Variants in WSCD1 observed in about 807,000 individuals in gnomAD.
The protein encoded by WSCD1 is sialate:O-sulfotransferase 1.
WSCD1 carries 41 observed loss-of-function variants against 60.4 expected under a neutral mutation model. The ratio of observed to expected loss-of-function variants is 0.68; its 90% CI spans 0.53 to 0.88. WSCD1 has a LOEUF of 0.88. Ranked by LOEUF, WSCD1 falls within the 40% of genes least tolerant of loss-of-function variation. The pLI, the probability that WSCD1 is intolerant of heterozygous loss-of-function variation, is 0.00. For missense variants in WSCD1, 784 were observed against 796.2 expected, an observed-to-expected ratio of 0.98 and a Z score of 0.18; for synonymous variants, 361 against 332.5, an observed-to-expected ratio of 1.09 and a Z score of -0.93.
At chr17:6,111,647 G>T (rs1208925457) in intron 7 of WSCD1, among the ~76,000 whole-genome samples, 1 of 146,146 alleles carries the variant, frequency 6.8e-6, no homozygotes, top group African/African-American at 2.5e-5. Context: ...GTTGCAGTGA[G>T]TCGAGATTAT....
At chr17:6,103,110 C>T (rs1478721027) in intron 5 of WSCD1, among the ~76,000 whole-genome samples, 2 of 152,158 alleles carry the variant, frequency 1.3e-5, no homozygotes, top group Non-Finnish European at 2.9e-5. Flanking sequence ...GTGATCCTGG[C>T]CAGGTCACAT....
chr17:6,105,828 C>G (rs1002184288), intron 5 of WSCD1, among the ~76,000 whole-genome samples: 1 of 152,074 alleles, frequency 6.6e-6, no homozygotes, highest in Non-Finnish European at 1.5e-5. Flanking sequence ...TTTTTTTCCT[C>G]GGAACAGGAA....
At chr17:6,092,954 G>A (rs1910155374) in intron 4 of WSCD1, among the ~76,000 whole-genome samples, 1 of 152,224 alleles carries the variant, frequency 6.6e-6, no homozygotes, top group African/African-American at 2.4e-5. Flanking sequence ...GAGGGAATGA[G>A]CTGACAGGAT....
At position 6,080,152 on chromosome 17, in the gene WSCD1, C is replaced by T. The variant is rs1909130732; in HGVS notation, c.-288-219C>T. ...GGGGAGAGCTGTTGTCCCCATTTTA[C>T]AGATGGGGAAGCTGAGGCCCAGCAA... On this transcript the variant is annotated intron_variant, in intron 1 of 8. Coordinates refer to ENST00000317744, the MANE Select transcript of WSCD1 (RefSeq NM_015253.2). The surrounding 1 kb of genome is among the most constrained non-coding windows in gnomAD (Gnocchi z 6.6). The T allele has an allele frequency of 6.2e-6, 1 of 160,146 alleles. No homozygotes were observed. The highest frequency in any genetic ancestry group is 6.5e-5 in the Admixed American group (1 of 15,376). The allele number at this position is 160,146 out of a possible 1,614,324, so 9.9% of individuals were successfully genotyped here.
At chr17:6,069,235 G>C (rs1054196842), upstream of WSCD1, 5 of 398,680 alleles carry the variant, frequency 1.3e-5, no homozygotes, top group Non-Finnish European at 2.2e-5. Flanking sequence ...CGGTGCACAT[G>C]GCAGAGCAGG....
chr17:6,112,569 A>G (rs899630869), intron 7 of WSCD1, among the ~76,000 whole-genome samples: 1 of 152,248 alleles, frequency 6.6e-6, no homozygotes, highest in Non-Finnish European at 1.5e-5. Context: ...AGGCTTCACC[A>G]AGAAACCCTT....
intron 8 of WSCD1, 49 bp from the exon 9 acceptor site, chr17:6,120,260 C>G: frequency 6.3e-7 from 1 of 1,575,246 alleles, no homozygotes. Flanking sequence ...GACCGGCAGC[C>G]CTGGCAGGGC....
chr17:6,100,214 C>T (rs896646200), intron 5 of WSCD1, among the ~76,000 whole-genome samples: 1 of 152,118 alleles, frequency 6.6e-6, no homozygotes, highest in Non-Finnish European at 1.5e-5. Flanking sequence ...GAGGATGAGG[C>T]ATGGATGGGT....
At chr17:6,085,295 G>A (rs1909559130) in intron 2 of WSCD1, among the ~76,000 whole-genome samples, 3 of 152,242 alleles carry the variant, frequency 2.0e-5, no homozygotes, top group Admixed American at 6.5e-5. Flanking sequence ...TAATGATGAA[G>A]AATTTGAGTT....
intron 1 of WSCD1, among the ~76,000 whole-genome samples, chr17:6,078,282 T>G (rs948849387): frequency 6.6e-6 from 1 of 152,226 alleles, no homozygotes; most frequent in African/African-American, 2.4e-5. Flanking sequence ...CTAAGGAGAT[T>G]ACAGACTTTG....
At chr17:6,077,857 A>C (rs898884950) in intron 1 of WSCD1, 7 of 152,156 alleles carry the variant, frequency 4.6e-5, no homozygotes, top group Admixed American at 1.3e-4. Flanking sequence ...TGTGCTCCCT[A>C]GTTTGTAACC....
intron 2 of WSCD1, among the ~76,000 whole-genome samples, chr17:6,083,354 A>C (rs1459630272): frequency 6.6e-6 from 1 of 152,118 alleles, no homozygotes; most frequent in Non-Finnish European, 1.5e-5. Flanking sequence ...TGTGCACCTC[A>C]CTGTGCCCTG....
At chr17:6,117,679 G>A (rs34865229) in intron 7 of WSCD1, among the ~76,000 whole-genome samples, 12,423 of 152,282 alleles carry the variant, frequency 0.082, 717 homozygotes, top group African/African-American at 0.17. Context: ...ACATATGCGT[G>A]CATCTGCAAT....
At chr17:6,073,282 T>G (rs530684798) in intron 1 of WSCD1, among the ~76,000 whole-genome samples, 48 of 152,310 alleles carry the variant, frequency 3.2e-4, no homozygotes, top group Non-Finnish European at 6.2e-4. Context: ...CCTTAAGCTT[T>G]CAGCACCAGG....
At chr17:6,098,184 C>A (rs966687351) in intron 5 of WSCD1, among the ~76,000 whole-genome samples, 7 of 151,702 alleles carry the variant, frequency 4.6e-5, no homozygotes, top group African/African-American at 1.7e-4. Flanking sequence ...GTTGCCCAGA[C>A]TGGTCTTGAA....
At chr17:6,086,288 A>C (rs924124886) in intron 2 of WSCD1, among the ~76,000 whole-genome samples, 2 of 92,764 alleles carry the variant, frequency 2.2e-5, no homozygotes, top group East Asian at 2.6e-4. Context: ...TATGTACTTC[A>C]TGCATTACTG....
At chr17:6,069,603 G>A (rs1035425752), upstream of WSCD1, among the ~76,000 whole-genome samples, 5 of 152,068 alleles carry the variant, frequency 3.3e-5, no homozygotes, top group Non-Finnish European at 7.4e-5. Flanking sequence ...GCCGACCCCC[G>A]AGTGTGTAGA....
rs1237564131 is a variant in WSCD1 at position 6,109,658 on chromosome 17, AC to A, written c.907del (p.Arg303GlyfsTer125). ...RGWECYCAYPTPRFNLRDAMD... is the reference protein window; with the variant it reads ...RGWECYCAYPXPRFNLRDAMD... The stretch of plus-strand genomic sequence containing the variant: ...CTGGGAATGCTACTGTGCTTACCCT[AC>A]CCCCCGGTTCAACCTGCGGGATGCC... On this transcript the variant is annotated frameshift_variant, in exon 6 of 9. Transcript: ENST00000317744. LOFTEE classifies it high-confidence loss of function. 13 of 1,613,294 alleles carry A rather than the reference AC, an allele frequency of 8.1e-6. No individual in the cohort carries two copies. Among genetic ancestry groups the A allele is most frequent in the Non-Finnish European group, 1.0e-5 (12 of 1,179,858 alleles).
chr17:6,104,544 T>A (rs1339184623), intron 5 of WSCD1, among the ~76,000 whole-genome samples: 1 of 152,202 alleles, frequency 6.6e-6, no homozygotes, highest in Non-Finnish European at 1.5e-5. Flanking sequence ...AGTTACAGCA[T>A]CACTGGACAA....
Sources: allele counts gnomAD v4.1 joint callset (sites outside exome capture counted in the v4.1 genomes callset), GRCh38; gene constraint gnomAD v4.1.1; non-coding constraint Gnocchi (gnomAD v3.1); transcripts MANE v1.5; gene names NCBI Gene and HGNC (gene_info 2026-07-23, HGNC 2026-07-21).